The following NDUFS2 variants were observed in gnomAD, a reference collection of about 807,000 sequenced individuals.
NDUFS2 encodes NADH dehydrogenase [ubiquinone] iron-sulfur protein 2, mitochondrial.
A neutral mutation model predicts 69.6 loss-of-function variants in NDUFS2; 38 were observed. That is an observed-to-expected ratio of 0.55 (90% confidence interval 0.42 to 0.72). NDUFS2 has a LOEUF of 0.72. Among genes scored for constraint, NDUFS2 ranks in the 30% least tolerant of loss-of-function variants. The probability of loss-of-function intolerance (pLI) is 0.00; values close to 1 mark genes in which losing one functional copy is unlikely to be tolerated. For synonymous variants in NDUFS2, 194 were observed against 211.2 expected, an observed-to-expected ratio of 0.92 and a Z score of 0.70; for missense variants, 468 against 595.0, an observed-to-expected ratio of 0.79 and a Z score of 2.22.
At chr1:161,205,014 G>T (rs1278848241) in intron 2 of NDUFS2, among the ~76,000 whole-genome samples, 1 of 151,256 alleles carries the variant, frequency 6.6e-6, no homozygotes, top group African/African-American at 2.4e-5. Flanking sequence ...TCACGCCATT[G>T]CACTCCAGCC....
chr1:161,209,930 A>G lies in NDUFS2; in HGVS notation c.701A>G (p.Gln234Arg). 2.5e-6 allele frequency: 4 copies of G among 1,614,076 alleles called. No homozygotes were observed. In the South Asian group the frequency reaches 3.3e-5, roughly 13 times the overall value. The part of the protein sequence containing the change: ...AAYIRPGGVH[Q>R]DLPLGLMDDI... ...TATATCCGGCCAGGAGGAGTGCACC[A>G]GGTGAGCAGGTCCCCGGCTTCCCCA... The change falls in exon 6 of 14, where the codon CAG (glutamine) becomes CGG (arginine). Residue 234 changes from glutamine to arginine, a missense_variant and splice_region_variant. Gln to Arg is a conservative substitution (Grantham distance 43). Transcript: ENST00000676972.
chr1:161,202,445 T>C lies in NDUFS2; in HGVS notation c.60T>C (p.Pro20=). The C allele has an allele frequency of 1.9e-6, 3 of 1,612,464 alleles. No homozygotes were observed. Among genetic ancestry groups the C allele is most frequent in the Non-Finnish European group, 2.5e-6 (3 of 1,179,632 alleles). ...FRGVAAQVLR[P]GAGVRLPIQP... is the part of the protein sequence containing the mutation. ...GCGTCGCGGCCCAGGTGCTGCGGCC[T>C]GGGGCTGGAGTCCGATTGCCGATTC... Residue 20 remains proline (P), a synonymous_variant, in exon 1 of 14, where the codon CCT becomes CCC. Transcript: ENST00000676972.
At chr1:161,213,058 C>T (rs1185559663) in intron 10 of NDUFS2, 2 of 351,486 alleles carry the variant, frequency 5.7e-6, no homozygotes, top group Non-Finnish European at 1.1e-5. Flanking sequence ...GCACCCACCA[C>T]CACGCCCAGC....
At chr1:161,202,596 C>T in intron 1 of NDUFS2, 116 bp downstream of exon 1, 2 of 1,127,070 alleles carry the variant, frequency 1.8e-6, no homozygotes, top group Non-Finnish European at 2.6e-6. Flanking sequence ...TTGTCCATCC[C>T]TGATTTCTTG....
upstream of NDUFS2, chr1:161,199,345 G>C (rs1377126534): frequency 6.6e-6 from 1 of 152,324 alleles, no homozygotes; most frequent in Non-Finnish European, 1.5e-5. Context: ...TGAGGGAAAG[G>C]GCCTGGCCGG....
intron 2 of NDUFS2, among the ~76,000 whole-genome samples, chr1:161,205,819 A>G (rs2102036062): frequency 6.6e-6 from 1 of 151,926 alleles, no homozygotes; most frequent in Non-Finnish European, 1.5e-5. Flanking sequence ...ATTTAGTGCG[A>G]GTAAGCATTA....
At chr1:161,198,714 G>T, upstream of NDUFS2, 2 of 1,291,892 alleles carry the variant, frequency 1.5e-6, no homozygotes, top group Non-Finnish European at 2.1e-6. This position sits in a 1 kb window ranked among gnomAD's most constrained non-coding sequence, Gnocchi z 4.7. Flanking sequence ...CCTCTCTGTA[G>T]CCTGGGGGCT....
upstream of NDUFS2, chr1:161,198,480 G>C (rs201397731): frequency 5.7e-6 from 9 of 1,568,962 alleles, no homozygotes; most frequent in Admixed American, 1.9e-5. The surrounding 1 kb of genome is among the most constrained non-coding windows in gnomAD (Gnocchi z 4.7). Context: ...CTGGCCAGCC[G>C]GGCTGAGGGC....
intron 3 of NDUFS2, 30 bp from the exon 4 acceptor site, chr1:161,209,163 G>T: frequency 6.2e-7 from 1 of 1,614,150 alleles, no homozygotes; most frequent in East Asian, 2.2e-5. Flanking sequence ...GAGCCTGTTA[G>T]ATGTGACCCA....
In NDUFS2 at chr1:161,209,107, G is replaced by A. The variant is rs969116913; in HGVS notation, c.394-86G>A. The A allele has an allele frequency of 8.3e-5, 133 of 1,593,346 alleles. 1 individual carries two copies. In the South Asian group the frequency reaches 1.2e-3, roughly 15 times the overall value. ...AAGGCTTATACAGCACCAACTTCTG[G>A]TGCCGACTGAGAGCAAGGCTTCAGG... is the stretch of plus-strand genomic sequence containing the variant. On this transcript the variant is annotated intron_variant, in intron 3 of 13. Transcript: ENST00000676972.
chr1:161,203,034 C>T (rs1665237093), intron 1 of NDUFS2, among the ~76,000 whole-genome samples: 1 of 152,058 alleles, frequency 6.6e-6, no homozygotes, highest in South Asian at 2.1e-4. Flanking sequence ...TGGCTGGGCG[C>T]GGTGGCTCAC....
In NDUFS2 at chr1:161,213,883, C is replaced by T; in HGVS notation, c.1316C>T (p.Ser439Phe). ...CCCTAGGCTGGTTTGGACAAGATGT[C>T]TAAGGGACACATGTTGGCAGATGTC... ...FAHLAGLDKM[S>F]KGHMLADVVA... Residue 439 changes from serine (S) to phenylalanine (F), a missense_variant, in exon 13 of 14, where the codon TCT becomes TTT. Physicochemically the swap from Ser to Phe is radical, Grantham distance 155 (BLOSUM62 -2). This residue lies in a region of NDUFS2 where 72 missense variants were observed against 118.9 expected (regional missense o/e 0.61). Coordinates refer to ENST00000676972, the MANE Select transcript of NDUFS2 (RefSeq NM_001377299.1). 1 of 1,614,182 alleles carries T rather than the reference C, an allele frequency of 6.2e-7. No individual in the cohort carries two copies. Among genetic ancestry groups the T allele is most frequent in the Non-Finnish European group, 8.5e-7 (1 of 1,180,026 alleles).
chr1:161,197,796 G>A (rs1664915085), upstream of NDUFS2, among the ~76,000 whole-genome samples: 1 of 152,090 alleles, frequency 6.6e-6, no homozygotes, highest in South Asian at 2.1e-4. Flanking sequence ...AACCCTCGGT[G>A]GGTCTGGCTA....
At chr1:161,202,060 T>G, upstream of NDUFS2, 1 of 441,156 alleles carries the variant, frequency 2.3e-6, no homozygotes. Flanking sequence ...GCGCCGCGCG[T>G]TTCCAAGATA....
upstream of NDUFS2, among the ~76,000 whole-genome samples, chr1:161,201,636 G>A (rs549405908): frequency 1.3e-5 from 2 of 152,294 alleles, no homozygotes; most frequent in African/African-American, 4.8e-5. Flanking sequence ...TGGGGTGTGA[G>A]GCATCTCTAA....
At chr1:161,212,262 C>A in intron 9 of NDUFS2, 89 bp from the exon 10 acceptor site, 1 of 1,549,602 alleles carries the variant, frequency 6.5e-7, no homozygotes, top group Non-Finnish European at 8.9e-7. Context: ...GTTGACCTAA[C>A]CCTTTTGAGG....
At chr1:161,198,397 G>A (rs762253974), upstream of NDUFS2, 17 of 1,609,704 alleles carry the variant, frequency 1.1e-5, no homozygotes, top group South Asian at 1.9e-4. This position sits in a 1 kb window ranked among gnomAD's most constrained non-coding sequence, Gnocchi z 4.7. Context: ...GCCTGGCAGG[G>A]GCGCCCGAGC....
At chr1:161,198,104 C>A, upstream of NDUFS2, 2 of 1,613,618 alleles carry the variant, frequency 1.2e-6, no homozygotes, top group Non-Finnish European at 1.7e-6. The surrounding 1 kb of genome is among the most constrained non-coding windows in gnomAD (Gnocchi z 4.7). Flanking sequence ...AGCCCCAGGT[C>A]CCCCAGCAGA....
upstream of NDUFS2, among the ~76,000 whole-genome samples, chr1:161,201,454 G>A (rs1571596966): frequency 6.6e-6 from 1 of 152,204 alleles, no homozygotes; most frequent in Admixed American, 6.5e-5. Context: ...TGGGCTTAGA[G>A]GCAGAGGGAG....
Sources: allele counts gnomAD v4.1 joint callset (sites outside exome capture counted in the v4.1 genomes callset), GRCh38; gene constraint gnomAD v4.1.1; regional missense constraint gnomAD v4.1.1; non-coding constraint Gnocchi (gnomAD v3.1); transcripts MANE v1.5; gene names NCBI Gene and HGNC (gene_info 2026-07-23, HGNC 2026-07-21).